Variants in SIDT2 observed in about 807,000 individuals in gnomAD.
SIDT2 encodes the protein SID1 transmembrane family member 2.
In SIDT2, 68 loss-of-function variants were observed where a neutral mutation model predicts 114.4. The observed-to-expected ratio is 0.59, with a 90% CI of 0.49 to 0.73. The LOEUF (loss-of-function observed/expected upper bound fraction) is 0.73. Ranked by LOEUF, SIDT2 falls within the 30% of genes least tolerant of loss-of-function variation. The probability of loss-of-function intolerance (pLI) is 0.00; values close to 1 mark genes in which losing one functional copy is unlikely to be tolerated. For synonymous variants in SIDT2, 470 were observed against 438.4 expected (o/e 1.07, Z -0.90); for missense variants, 918 against 1,097.1 (o/e 0.84, Z 2.31).
At position 117,192,671 on chromosome 11, in the gene SIDT2, C is replaced by A; in HGVS notation, c.2058+21C>A. ...ACGTGGTACCTGCCTGGTTCCCCTG[C>A]TCCATTCTCCACATCTCCTTTCTTC... On this transcript the variant is annotated intron_variant, in intron 21 of 25. Transcript: ENST00000324225. The surrounding 1 kb of genome is among the most constrained non-coding windows in gnomAD (Gnocchi z 5.9). 1 of 1,612,850 alleles carries A rather than the reference C, an allele frequency of 6.2e-7. No individual in the cohort carries two copies. Among genetic ancestry groups the A allele is most frequent in the Non-Finnish European group, 8.5e-7 (1 of 1,179,904 alleles).
Position 117,192,432 on chromosome 11 carries a change from G to C in SIDT2, c.1981+70G>C. ...GCCTTGGGAACCCGGACGCACGGGA[G>C]ACGCTCAGGTTCTGTCTTGGGGGCC... On this transcript the variant is annotated intron_variant, in intron 20 of 25. Transcript: ENST00000324225. The surrounding 1 kb of genome is among the most constrained non-coding windows in gnomAD (Gnocchi z 5.9). The C allele has an allele frequency of 7.2e-7, 1 of 1,389,704 alleles. No homozygotes were observed. The highest frequency in any genetic ancestry group is 1.0e-6 in the Non-Finnish European group (1 of 985,252). The allele number at this position is 1,389,704 out of a possible 1,614,324, so 86.1% of individuals were successfully genotyped here.
At chr11:117,186,685 T>TG in intron 10 of SIDT2, 49 bp downstream of exon 10, 13 of 1,231,636 alleles carry the variant, frequency 1.1e-5, no homozygotes, top group Non-Finnish European at 1.4e-5. Context: ...CTTTGTGTTT[T>TG]GGGGGGTGGT....
chr11:117,179,509 T>C, intron 1 of SIDT2, 63 bp downstream of exon 1: 1 of 1,538,448 alleles, frequency 6.5e-7, no homozygotes, highest in Non-Finnish European at 8.8e-7. Context: ...TAGGCGATTC[T>C]GCCGCCCCGC....
chr11:117,181,417 C>T lies in SIDT2; in HGVS notation c.185C>T (p.Thr62Ile). The T allele has an allele frequency of 6.2e-7, 1 of 1,613,460 alleles. No individual in the cohort carries two copies. The highest frequency in any genetic ancestry group is 8.5e-7 in the Non-Finnish European group (1 of 1,179,958). The part of the protein sequence containing the change: ...TFNHTVTRNR[T>I]EGVRVSVNVL... ...AGGCATTTCCATGTCGTTCTGCAGACAGAGGGCGTGCGTGTGTCTGTGAAC... is the reference window on the plus strand; with the variant it reads ...AGGCATTTCCATGTCGTTCTGCAGATAGAGGGCGTGCGTGTGTCTGTGAAC... The change falls in exon 2 of 26, where the codon ACA becomes ATA. Residue 62 changes from threonine (T) to isoleucine (I), a missense_variant and splice_region_variant. Thr to Ile is a moderately conservative substitution (Grantham distance 89, BLOSUM62 -1). This residue lies in a region of SIDT2 where 553 missense variants were observed against 600.1 expected (regional missense o/e 0.92). Transcript: ENST00000324225.
In SIDT2 at chr11:117,190,006, C is replaced by T; in HGVS notation, c.1474C>T (p.His492Tyr). Residue 492 changes from histidine (H) to tyrosine (Y), a missense_variant, in exon 16 of 26, where the codon CAC becomes TAC. Coordinates refer to ENST00000324225, the MANE Select transcript of SIDT2 (RefSeq NM_001040455.2). The surrounding 1 kb of genome is among the most constrained non-coding windows in gnomAD (Gnocchi z 4.1). ...DICYYNFLCA[H>Y]PLGNLSAFNN... ...CTGCTACTACAACTTCCTCTGCGCCCACCCACTGGGCAATCTCAGGTGGGG... is the reference window on the plus strand; with the variant it reads ...CTGCTACTACAACTTCCTCTGCGCCTACCCACTGGGCAATCTCAGGTGGGG... 1 of 1,614,180 alleles carries T rather than the reference C, an allele frequency of 6.2e-7. No homozygotes were observed. The highest frequency in any genetic ancestry group is 8.5e-7 in the Non-Finnish European group (1 of 1,180,036).
rs763300070 is a variant in SIDT2 at position 117,189,175 on chromosome 11, C to T, written c.1285C>T (p.Leu429Phe). ...DKNVIRTKQY[L>F]YVADLARKDK... ...GATTCCAGCTTCTCCCCAGCAATACCTCTATGTGGCTGACCTGGCACGGAA... is the reference window on the plus strand; with the variant it reads ...GATTCCAGCTTCTCCCCAGCAATACTTCTATGTGGCTGACCTGGCACGGAA... The change falls in exon 14 of 26, where the codon CTC (leucine) becomes TTC (phenylalanine). Residue 429 changes from leucine to phenylalanine, a missense_variant. Coordinates refer to ENST00000324225, the MANE Select transcript of SIDT2 (RefSeq NM_001040455.2). The T allele has an allele frequency of 8.7e-6, 14 of 1,614,102 alleles. No individual in the cohort carries two copies. The Admixed American group carries it at 1.7e-4, about 19-fold the overall frequency.
intron 6 of SIDT2, 115 bp from the exon 7 acceptor site, chr11:117,183,664 T>A: frequency 2.6e-6 from 2 of 781,204 alleles, no homozygotes; most frequent in Non-Finnish European, 4.1e-6. Context: ...CTTGTGAGGA[T>A]TAAGTAAAAT....
chr11:117,196,295 A>G lies in SIDT2; in HGVS notation c.*229A>G. On this transcript the variant is annotated 3_prime_UTR_variant, in exon 26 of 26. Coordinates refer to ENST00000324225, the MANE Select transcript of SIDT2 (RefSeq NM_001040455.2). The surrounding 1 kb of genome is among the most constrained non-coding windows in gnomAD (Gnocchi z 4.9). ...AGGCCTGCTCCCCTGGAACCCCCAGATGTTGGCCAAATTGCTGCTTTCTTC... is the reference window on the plus strand; with the variant it reads ...AGGCCTGCTCCCCTGGAACCCCCAGGTGTTGGCCAAATTGCTGCTTTCTTC... 1.7e-6 allele frequency: 1 copy of G among 596,762 alleles called. No homozygotes were observed. The highest frequency in any genetic ancestry group is 2.9e-6 in the Non-Finnish European group (1 of 339,666). 37.0% of individuals were successfully genotyped at this position (596,762 alleles called of 1,614,324 possible).
At chr11:117,187,298 T>C in intron 10 of SIDT2, 80 bp from the exon 11 acceptor site, 2 of 1,394,378 alleles carry the variant, frequency 1.4e-6, no homozygotes, top group South Asian at 2.3e-5. Context: ...CTGTCTTCTC[T>C]GGACCTTTCT....
chr11:117,179,573 A>G (rs2030181133), intron 1 of SIDT2, 127 bp downstream of exon 1: 1 of 919,700 alleles, frequency 1.1e-6, no homozygotes, highest in Non-Finnish European at 1.6e-6. Context: ...CCCAGTTCCC[A>G]GAACCACACT....
rs1388096293 is a variant in SIDT2, at chr11:117,190,474, GC to G, written c.1618-146del. 5.6e-6 allele frequency: 5 copies of G among 895,026 alleles called. No individual in the cohort carries two copies. Among genetic ancestry groups the G allele is most frequent in the Non-Finnish European group, 7.5e-6 (5 of 666,258 alleles). The allele number at this position is 895,026 out of a possible 1,614,324, so 55.4% of individuals were successfully genotyped here. A position where few individuals can be genotyped will look rare whatever the true frequency, so the allele number is the denominator to read the frequency against. ...CTGCCCTGCCCTCCCTTGCCAGCCT[GC>G]CCAGGCCAGCCCACCCCTGCACACC... On this transcript the variant is annotated intron_variant, in intron 17 of 25. Coordinates refer to ENST00000324225, the MANE Select transcript of SIDT2 (RefSeq NM_001040455.2). The surrounding 1 kb of genome is among the most constrained non-coding windows in gnomAD (Gnocchi z 4.1).
At position 117,188,180 on chromosome 11, in the gene SIDT2, C is replaced by T. The variant is rs1201024933; in HGVS notation, c.1159+481C>T. 1.1e-5 allele frequency: 4 copies of T among 359,008 alleles called. No individual in the cohort carries two copies. In the Admixed American group the frequency reaches 1.5e-4, roughly 14 times the overall value. The allele number at this position is 359,008 out of a possible 1,614,324, so 22.2% of individuals were successfully genotyped here. A position where few individuals can be genotyped will look rare whatever the true frequency, so the allele number is the denominator to read the frequency against. ...GCTGGACAATCTAGTTTATCGTCTG[C>T]GTTGCCAGCGCCCTCACTCCCTGGC... On this transcript the variant is annotated intron_variant, in intron 12 of 25. Coordinates refer to ENST00000324225, the MANE Select transcript of SIDT2 (RefSeq NM_001040455.2). This position sits in a 1 kb window ranked among gnomAD's most constrained non-coding sequence, Gnocchi z 4.0.
intron 6 of SIDT2, 122 bp downstream of exon 6, chr11:117,182,928 C>G: frequency 9.3e-7 from 1 of 1,081,028 alleles, no homozygotes; most frequent in South Asian, 1.7e-5. Flanking sequence ...CTTTGGCCTT[C>G]CAGTCCCTGT....
intron 12 of SIDT2, 68 bp downstream of exon 12, chr11:117,187,767 G>A: frequency 3.3e-6 from 5 of 1,513,072 alleles, no homozygotes; most frequent in Non-Finnish European, 3.7e-6. Context: ...ATGTCACGGT[G>A]GGCGGTTGCC....
At chr11:117,180,810 G>A (rs983855886) in intron 1 of SIDT2, among the ~76,000 whole-genome samples, 1 of 152,028 alleles carries the variant, frequency 6.6e-6, no homozygotes, top group Non-Finnish European at 1.5e-5. Context: ...TGCTACAAGC[G>A]TGAGTCACCG....
intron 1 of SIDT2, among the ~76,000 whole-genome samples, chr11:117,180,531 CTTTT>C (rs35242634): frequency 9.7e-5 from 8 of 82,366 alleles, no homozygotes; most frequent in Admixed American, 7.4e-4. Flanking sequence ...ATCACTTTAT[CTTTT>C]TTTTTTTTTT....
Position 117,192,401 on chromosome 11 carries a change from TG to T in SIDT2, c.1981+45del, listed in dbSNP as rs745866877. ...CGGGGCAGGGCCTGGGGGAGGGGTC[TG>T]GGGGGCCTTGGGAACCCGGACGCAC... On this transcript the variant is annotated intron_variant, in intron 20 of 25. Coordinates refer to ENST00000324225, the MANE Select transcript of SIDT2 (RefSeq NM_001040455.2). The surrounding 1 kb of genome is among the most constrained non-coding windows in gnomAD (Gnocchi z 5.9). The T allele has an allele frequency of 3.5e-6, 5 of 1,432,474 alleles. No individual in the cohort carries two copies. The highest frequency in any genetic ancestry group is 2.3e-5 in the East Asian group (1 of 44,026). The allele number at this position is 1,432,474 out of a possible 1,614,324, so 88.7% of individuals were successfully genotyped here. A position where few individuals can be genotyped will look rare whatever the true frequency, so the allele number is the denominator to read the frequency against.
At chr11:117,186,258 G>A (rs1415162866) in intron 9 of SIDT2, 35 bp downstream of exon 9, 2 of 1,601,304 alleles carry the variant, frequency 1.2e-6, no homozygotes, top group African/African-American at 1.3e-5. Context: ...CCTGGTCTGG[G>A]TGGTTTGGGC....
rs1441259442 is a variant in SIDT2, at chr11:117,190,233, C to T, written c.1561C>T (p.Leu521=). The T allele has an allele frequency of 1.3e-6, 2 of 1,577,086 alleles. No homozygotes were observed. The highest frequency in any genetic ancestry group is 1.4e-5 in the African/African-American group (1 of 74,034). The change falls in exon 17 of 26, where the codon CTG becomes TTG. Residue 521 remains leucine, a synonymous_variant. Coordinates refer to ENST00000324225, the MANE Select transcript of SIDT2 (RefSeq NM_001040455.2). The surrounding 1 kb of genome is among the most constrained non-coding windows in gnomAD (Gnocchi z 4.1). The part of the protein sequence containing the change: ...LLGLLFLLII[L]QREINHNRAL... ...GGGGCTGCTTTTCCTGCTCATCATC[C>T]TGCAACGGGAGATCAACCACAACCG...
Sources: gnomAD v4.1 joint callset for allele counts (sites outside exome capture counted in the v4.1 genomes callset) on GRCh38, gnomAD v4.1.1 for gene constraint, gnomAD v4.1.1 regional missense constraint, Gnocchi (gnomAD v3.1) non-coding constraint, MANE v1.5 for transcripts, NCBI Gene and HGNC (gene_info 2026-07-23, HGNC 2026-07-21) for gene names.